The following RBFOX1 variants were observed in gnomAD, a reference collection of about 807,000 sequenced individuals.
RBFOX1 encodes RNA binding protein fox-1 homolog 1.
Under a neutral mutation model 57.7 loss-of-function variants are expected in RBFOX1, and 8 were observed. The observed-to-expected ratio is 0.14, with a 90% confidence interval of 0.08 to 0.25. The LOEUF (loss-of-function observed/expected upper bound fraction) is 0.25. Ranked by LOEUF, RBFOX1 falls within the 10% of genes least tolerant of loss-of-function variation. RBFOX1 has a pLI of 1.00. For missense variants in RBFOX1, 611 were observed against 548.5 expected (o/e 1.11, Z -1.14); for synonymous variants, 326 against 222.4 (o/e 1.47, Z -4.15).
chr16:5,928,796 G>T (rs908670784), intron 4 of RBFOX1, among the ~76,000 whole-genome samples: 3 of 151,790 alleles, frequency 2.0e-5, no homozygotes, highest in Admixed American at 6.6e-5. Context: ...TGTCTGACCA[G>T]TTCTTTCCCA....
intron 2 of RBFOX1, among the ~76,000 whole-genome samples, chr16:6,381,504 T>C (rs1189898066): frequency 2.0e-5 from 3 of 152,170 alleles, no homozygotes; most frequent in Non-Finnish European, 4.4e-5. Context: ...GGCTTATATC[T>C]TTGGAGTTTG....
intron 4 of RBFOX1, among the ~76,000 whole-genome samples, chr16:7,377,324 A>G (rs911625562): frequency 6.6e-6 from 1 of 152,206 alleles, no homozygotes; most frequent in Non-Finnish European, 1.5e-5. Flanking sequence ...AGGTGGTGGC[A>G]TGTATTTATG....
rs143828967 is a variant in RBFOX1 at position 7,451,246 on chromosome 16, C to G, written c.28-66901C>G. ...TGATATAATCATATAATATTGAATT[C>G]AGTTCTATGAGCTTTTGCTATGTAC... is the stretch of plus-strand genomic sequence containing the variant. On this transcript the variant is annotated intron_variant, in intron 4 of 15. Transcript: ENST00000550418. 3.1e-3 allele frequency among the ~76,000 whole-genome samples: 478 copies of G among 152,310 alleles called. 6 individuals are homozygous for G. The highest frequency in any genetic ancestry group is 5.6e-3 in the Non-Finnish European group (382 of 68,024).
intron 4 of RBFOX1, among the ~76,000 whole-genome samples, chr16:7,148,475 C>T (rs560262894): frequency 1.3e-5 from 2 of 152,300 alleles, no homozygotes; most frequent in African/African-American, 2.4e-5. Context: ...ATCTCAACTT[C>T]GGATCTTTTT....
intron 3 of RBFOX1, among the ~76,000 whole-genome samples, chr16:7,026,415 A>G (rs920743538): frequency 2.6e-5 from 4 of 152,212 alleles, no homozygotes; most frequent in South Asian, 2.1e-4. Flanking sequence ...AGAACAGTTG[A>G]GGGCAGCACT....
chr16:7,149,325 G>C (rs749525277), intron 4 of RBFOX1, among the ~76,000 whole-genome samples: 1 of 152,054 alleles, frequency 6.6e-6, no homozygotes, highest in Non-Finnish European at 1.5e-5. Context: ...GCAGGGTAAA[G>C]AGTCAAGTCT....
chr16:6,679,004 C>T (rs1326279532), intron 3 of RBFOX1, among the ~76,000 whole-genome samples: 1 of 152,106 alleles, frequency 6.6e-6, no homozygotes, highest in African/African-American at 2.4e-5. Flanking sequence ...TTCATTCTTT[C>T]AGATGTCAAA....
At chr16:7,360,579 G>A (rs1002989889) in intron 4 of RBFOX1, among the ~76,000 whole-genome samples, 1 of 152,172 alleles carries the variant, frequency 6.6e-6, no homozygotes, top group African/African-American at 2.4e-5. Flanking sequence ...GGGAAGTGAG[G>A]TGTTTGAAAG....
intron 2 of RBFOX1, among the ~76,000 whole-genome samples, chr16:5,572,599 G>C (rs1006086542): frequency 6.6e-6 from 1 of 152,198 alleles, no homozygotes; most frequent in African/African-American, 2.4e-5. Flanking sequence ...ACCTGAGGTT[G>C]AGAACCCCTG....
At chr16:7,139,551 T>C (rs2073074098) in intron 4 of RBFOX1, among the ~76,000 whole-genome samples, 1 of 152,176 alleles carries the variant, frequency 6.6e-6, no homozygotes, top group Non-Finnish European at 1.5e-5. Flanking sequence ...GCATATTATC[T>C]GTGCTGGATC....
chr16:7,066,733 G>T (rs183061034), intron 4 of RBFOX1, among the ~76,000 whole-genome samples: 1 of 152,266 alleles, frequency 6.6e-6, no homozygotes, highest in Non-Finnish European at 1.5e-5. Context: ...ATTGGTGGTT[G>T]AAATCATTTC....
At position 7,282,145 on chromosome 16, in the gene RBFOX1, G is replaced by C. The variant is rs1026835477; in HGVS notation, c.27+230047G>C. Among the ~76,000 whole-genome samples the C allele has an allele frequency of 1.2e-4, 19 of 152,148 alleles. 1 individual carries two copies. Among genetic ancestry groups the C allele is most frequent in the African/African-American group, 4.6e-4 (19 of 41,430 alleles). On this transcript the variant is annotated intron_variant, in intron 4 of 15. Transcript: ENST00000550418. ...CCCAGAGTGCTGGGATTACAGGTGT[G>C]AGCCACTGTACCTGGCCGACTAAAG...
At chr16:6,960,453 T>A (rs1292177631) in intron 3 of RBFOX1, among the ~76,000 whole-genome samples, 1 of 152,096 alleles carries the variant, frequency 6.6e-6, no homozygotes, top group Admixed American at 6.6e-5. Context: ...AACTCCCTTG[T>A]CTCCCAGTTC....
chr16:6,202,564 G>A (rs2152832343), intron 1 of RBFOX1, among the ~76,000 whole-genome samples: 1 of 152,086 alleles, frequency 6.6e-6, no homozygotes, highest in South Asian at 2.1e-4. Flanking sequence ...TATCCCTGTT[G>A]GGTCAGTTTC....
intron 1 of RBFOX1, among the ~76,000 whole-genome samples, chr16:6,173,775 A>T (rs1439387935): frequency 6.6e-6 from 1 of 151,936 alleles, no homozygotes; most frequent in East Asian, 1.9e-4. Context: ...ATGCCCAGCT[A>T]ATTTTTATAT....
At chr16:5,939,581 T>C (rs1165041284) in intron 4 of RBFOX1, among the ~76,000 whole-genome samples, 1 of 152,154 alleles carries the variant, frequency 6.6e-6, no homozygotes, top group Non-Finnish European at 1.5e-5. Flanking sequence ...AAAGAAGAAA[T>C]CACAGTGCCT....
chr16:7,494,526 C>G (rs2067958866), intron 4 of RBFOX1, among the ~76,000 whole-genome samples: 1 of 151,658 alleles, frequency 6.6e-6, no homozygotes, highest in Non-Finnish European at 1.5e-5. Context: ...GCTTAAATAA[C>G]AATAACAGCA....
chr16:7,493,734 G>T (rs1164053167), intron 4 of RBFOX1, among the ~76,000 whole-genome samples: 1 of 152,212 alleles, frequency 6.6e-6, no homozygotes, highest in Non-Finnish European at 1.5e-5. Flanking sequence ...AGAGCCTCCA[G>T]AGCCCTGGTG....
intron 4 of RBFOX1, among the ~76,000 whole-genome samples, chr16:7,374,896 G>C (rs947248035): frequency 6.6e-6 from 1 of 152,128 alleles, no homozygotes; most frequent in Non-Finnish European, 1.5e-5. Flanking sequence ...TCTCTTCCAT[G>C]ACCTGCCAGC....
Sources: allele counts gnomAD v4.1 joint callset (sites outside exome capture counted in the v4.1 genomes callset), GRCh38; gene constraint gnomAD v4.1.1; transcripts MANE v1.5; gene names NCBI Gene and HGNC (gene_info 2026-07-23, HGNC 2026-07-21).